The following SLC25A26 variants were observed in gnomAD, a reference collection of about 807,000 sequenced individuals.
The protein encoded by SLC25A26 is mitochondrial S-adenosylmethionine carrier protein.
Under a neutral mutation model 37.8 loss-of-function variants are expected in SLC25A26, and 36 were observed. That is an observed-to-expected ratio of 0.95 (90% CI 0.73 to 1.26). SLC25A26 has a LOEUF of 1.26. Among genes scored for constraint, SLC25A26 ranks in the 50% most tolerant of loss-of-function variants. The pLI is 0.00. For synonymous variants in SLC25A26, 129 were observed against 122.5 expected, an observed-to-expected ratio of 1.05 and a Z score of -0.35; for missense variants, 390 against 331.1, an observed-to-expected ratio of 1.18 and a Z score of -1.38.
At chr3:66,175,132 TATATATATAC>T (rs1559560925) in intron 1 of SLC25A26, among the ~76,000 whole-genome samples, 8 of 123,300 alleles carry the variant, frequency 6.5e-5, no homozygotes, top group South Asian at 2.8e-4. Flanking sequence ...TATATATATA[TATATATATAC>T]ACACACACAC....
intron 5 of SLC25A26, among the ~76,000 whole-genome samples, chr3:66,323,068 A>G (rs1389665197): frequency 6.6e-6 from 1 of 150,392 alleles, no homozygotes; most frequent in African/African-American, 2.4e-5. Context: ...AATGTACTAT[A>G]GTAGCTGCTC....
intron 1 of SLC25A26, among the ~76,000 whole-genome samples, chr3:66,191,395 A>G (rs1162241432): frequency 6.6e-6 from 1 of 152,130 alleles, no homozygotes; most frequent in Non-Finnish European, 1.5e-5. Flanking sequence ...TCCCTGACAC[A>G]CACAGACACA....
At chr3:66,164,327 C>G (rs559520270) in intron 1 of SLC25A26, among the ~76,000 whole-genome samples, 90 of 152,278 alleles carry the variant, frequency 5.9e-4, no homozygotes, top group African/African-American at 2.0e-3. Context: ...TGAGCTTCCC[C>G]AGAATATTTT....
At chr3:66,251,964 A>G (rs962042476) in intron 3 of SLC25A26, among the ~76,000 whole-genome samples, 9 of 143,436 alleles carry the variant, frequency 6.3e-5, no homozygotes, top group Non-Finnish European at 1.1e-4. Flanking sequence ...GCATGAGTTT[A>G]TAGAACACAA....
rs376745298 is a variant in SLC25A26, at chr3:66,144,782, A to G, written c.-354+10798A>G. ...TAGACAGTGCATTGCAATCATTGCT[A>G]ACTCATTGAGTGTCTTTTTATTTCT... is the stretch of plus-strand genomic sequence containing the variant. On this transcript the variant is annotated intron_variant, in intron 1 of 10. Coordinates refer to the SLC25A26 transcript ENST00000676754. Among the ~76,000 whole-genome samples the G allele has an allele frequency of 1.8e-4, 27 of 152,330 alleles. No individual in the cohort carries two copies. The South Asian group carries it at 5.2e-3, about 29-fold the overall frequency.
chr3:66,262,959 G>A (rs761758979), intron 4 of SLC25A26, among the ~76,000 whole-genome samples: 14 of 152,148 alleles, frequency 9.2e-5, no homozygotes, highest in Non-Finnish European at 1.8e-4. Flanking sequence ...TTTTGGAAAT[G>A]TATTTAAAGC....
rs138287840 is a variant in SLC25A26 at position 66,228,370 on chromosome 3, G to C, written c.33+7243G>C. On this transcript the variant is annotated intron_variant, in intron 1 of 9. Coordinates refer to ENST00000354883, the MANE Select transcript of SLC25A26 (RefSeq NM_001379210.1). ...TTAGCTGTAAGTGACTTGTTAATGTGGTTTTGTTACCACTTCCAAACCCTA... is the reference window on the plus strand; with the variant it reads ...TTAGCTGTAAGTGACTTGTTAATGTCGTTTTGTTACCACTTCCAAACCCTA... 5.0e-3 allele frequency among the ~76,000 whole-genome samples: 760 copies of C among 152,276 alleles called. 13 individuals are homozygous for C. The highest frequency in any genetic ancestry group is 0.013 in the African/African-American group (556 of 41,540).
At chr3:66,308,207 G>A (rs183907920) in intron 5 of SLC25A26, among the ~76,000 whole-genome samples, 7 of 152,128 alleles carry the variant, frequency 4.6e-5, no homozygotes, top group African/African-American at 1.7e-4. Context: ...TCCTTTAAGA[G>A]GTCCTTCACA....
chr3:66,360,884 G>A (rs74418490), intron 6 of SLC25A26, among the ~76,000 whole-genome samples: 2,479 of 152,234 alleles, frequency 0.016, 69 homozygotes, highest in East Asian at 0.079. Flanking sequence ...AGGTTATTTC[G>A]TAGGAATTGA....
intron 5 of SLC25A26, among the ~76,000 whole-genome samples, chr3:66,311,742 A>G (rs751432624): frequency 2.6e-5 from 4 of 152,116 alleles, no homozygotes; most frequent in Non-Finnish European, 4.4e-5. Context: ...TCTAACAGTC[A>G]GGCCCCTCTG....
intron 5 of SLC25A26, among the ~76,000 whole-genome samples, chr3:66,307,583 C>G (rs1042038287): frequency 6.6e-6 from 1 of 152,166 alleles, no homozygotes; most frequent in Non-Finnish European, 1.5e-5. Context: ...TTGCCCATGC[C>G]TACGTCCTGA....
chr3:66,341,806 A>T (rs1232468669), intron 5 of SLC25A26, among the ~76,000 whole-genome samples: 2 of 152,184 alleles, frequency 1.3e-5, no homozygotes, highest in Non-Finnish European at 2.9e-5. Flanking sequence ...TGTACGGTGT[A>T]AATAAATGAA....
chr3:66,309,506 C>T (rs9830934), intron 5 of SLC25A26, among the ~76,000 whole-genome samples: 3,098 of 152,046 alleles, frequency 0.02, 117 homozygotes, highest in African/African-American at 0.071. Flanking sequence ...CTATATCCTT[C>T]AATTCTGCTC....
At chr3:66,338,744 C>T (rs570725079) in intron 5 of SLC25A26, among the ~76,000 whole-genome samples, 1 of 152,050 alleles carries the variant, frequency 6.6e-6, no homozygotes, top group South Asian at 2.1e-4. Context: ...AACGCAGTTC[C>T]CACACAAACT....
chr3:66,260,705 TC>T (rs2073494852), intron 3 of SLC25A26, among the ~76,000 whole-genome samples: 1 of 152,204 alleles, frequency 6.6e-6, no homozygotes, highest in Non-Finnish European at 1.5e-5. Flanking sequence ...CAAGGCTAAT[TC>T]CCTTGGAGTA....
At chr3:66,173,862 C>A (rs1422565172) in intron 1 of SLC25A26, among the ~76,000 whole-genome samples, 1 of 151,824 alleles carries the variant, frequency 6.6e-6, no homozygotes, top group Non-Finnish European at 1.5e-5. Context: ...ACCAGCCTGG[C>A]CAATATGGTG....
chr3:66,263,851 G>A (rs2073634421), intron 5 of SLC25A26, among the ~76,000 whole-genome samples: 1 of 151,944 alleles, frequency 6.6e-6, no homozygotes, highest in East Asian at 2.0e-4. Flanking sequence ...GTAGAGATGG[G>A]GTTTCACCAT....
chr3:66,319,003 G>A (rs1304674010), intron 5 of SLC25A26, among the ~76,000 whole-genome samples: 2 of 152,068 alleles, frequency 1.3e-5, no homozygotes, highest in Non-Finnish European at 2.9e-5. Context: ...ATTGTGACTT[G>A]CGCTATACTT....
At chr3:66,147,491 A>T (rs1188913544) in intron 1 of SLC25A26, among the ~76,000 whole-genome samples, 1 of 151,712 alleles carries the variant, frequency 6.6e-6, no homozygotes, top group Non-Finnish European at 1.5e-5. Context: ...TCGTTGGTTG[A>T]TGGACACTCA....
Sources: gnomAD v4.1 joint callset for allele counts (sites outside exome capture counted in the v4.1 genomes callset) on GRCh38, gnomAD v4.1.1 for gene constraint, MANE v1.5 for transcripts, NCBI Gene and HGNC (gene_info 2026-07-23, HGNC 2026-07-21) for gene names.